The following CEP70 variants were observed in gnomAD, a reference collection of about 807,000 sequenced individuals.
CEP70 encodes the protein centrosomal protein of 70 kDa.
Under a neutral mutation model 90.9 loss-of-function variants are expected in CEP70, and 70 were observed. The observed-to-expected ratio is 0.77, with a 90% CI of 0.64 to 0.94. CEP70 has a LOEUF of 0.94. CEP70 is among the 40% of genes least tolerant of loss of function. The pLI is 0.00. For synonymous variants in CEP70, 220 were observed against 228.3 expected (o/e 0.96, Z 0.33); for missense variants, 648 against 669.0 (o/e 0.97, Z 0.35).
intron 11 of CEP70, 131 bp from the exon 12 acceptor site, chr3:138,508,675 A>G (rs2035222566): frequency 1.5e-6 from 1 of 659,734 alleles, no homozygotes; most frequent in South Asian, 1.7e-5. Flanking sequence ...GTGTGTGTGC[A>G]CACATGTATG....
chr3:138,578,597 T>C (rs2041680550), intron 2 of CEP70, among the ~76,000 whole-genome samples: 1 of 152,008 alleles, frequency 6.6e-6, no homozygotes, highest in South Asian at 2.1e-4. Context: ...GAAGGGAAGA[T>C]CCACACCAAA....
At chr3:138,578,842 C>T (rs1056072435) in intron 2 of CEP70, among the ~76,000 whole-genome samples, 3 of 152,192 alleles carry the variant, frequency 2.0e-5, no homozygotes. Context: ...GAAGCCTCCA[C>T]CGATTGTCCT....
chr3:138,505,219 C>T (rs1272264011), intron 13 of CEP70, 76 bp downstream of exon 13: 1 of 1,150,456 alleles, frequency 8.7e-7, no homozygotes, highest in East Asian at 2.7e-5. Context: ...ATTTTTAGCC[C>T]TGAATTAAGT....
intron 2 of CEP70, among the ~76,000 whole-genome samples, chr3:138,584,494 A>G (rs985297327): frequency 2.6e-5 from 4 of 151,264 alleles, no homozygotes; most frequent in East Asian, 1.9e-4. Flanking sequence ...GAGAGAGAGA[A>G]AAACCTACAG....
In CEP70 at chr3:138,494,873, TGAAGAA is replaced by T; in HGVS notation, c.*136_*141del. 1.8e-6 allele frequency: 1 copy of T among 563,454 alleles called. No homozygotes were observed. The highest frequency in any genetic ancestry group is 4.8e-4 in the Middle Eastern group (1 of 2,074). The allele number at this position is 563,454 out of a possible 1,614,324, so 34.9% of individuals were successfully genotyped here. A position where few individuals can be genotyped will look rare whatever the true frequency, so the allele number is the denominator to read the frequency against. On this transcript the variant is annotated 3_prime_UTR_variant, in exon 18 of 18. Transcript: ENST00000264982. ...TCAAAGTTAATAAAAATTATACAGATGAAGAATGACCTAATACTAAGAAGGGGATGA... is the reference window on the plus strand; with the variant it reads ...TCAAAGTTAATAAAAATTATACAGATTGACCTAATACTAAGAAGGGGATGA...
At chr3:138,548,416 C>A (rs1002546651) in intron 6 of CEP70, among the ~76,000 whole-genome samples, 1 of 152,126 alleles carries the variant, frequency 6.6e-6, no homozygotes, top group Non-Finnish European at 1.5e-5. Flanking sequence ...TTTGATTTTA[C>A]GTAAAATGCA....
intron 6 of CEP70, among the ~76,000 whole-genome samples, chr3:138,544,573 T>C (rs2039042929): frequency 6.6e-6 from 1 of 152,054 alleles, no homozygotes; most frequent in South Asian, 2.1e-4. Flanking sequence ...ACACATATTA[T>C]ATATATAAAC....
At chr3:138,511,757 G>A (rs1215703133) in intron 11 of CEP70, among the ~76,000 whole-genome samples, 1 of 152,142 alleles carries the variant, frequency 6.6e-6, no homozygotes, top group East Asian at 1.9e-4. Context: ...GGAATTCTAA[G>A]CACTTTACAT....
rs2042349542 is a variant in CEP70, at chr3:138,590,843, G to A, written c.-6+1011C>T. ...AATAATAAAAAAAAAACAGGGAAGT[G>A]ATTACTACAAAACTATAAAACCCAG... On this transcript the variant is annotated intron_variant, in intron 2 of 17. Transcript: ENST00000264982. 2.0e-5 allele frequency among the ~76,000 whole-genome samples: 3 copies of A among 151,828 alleles called. No homozygotes were observed. The South Asian group carries it at 6.3e-4, about 32-fold the overall frequency.
At chr3:138,568,211 G>A (rs990138789) in intron 6 of CEP70, among the ~76,000 whole-genome samples, 1 of 152,074 alleles carries the variant, frequency 6.6e-6, no homozygotes, top group Non-Finnish European at 1.5e-5. Context: ...TTGGGACCTG[G>A]AACAAAGAGC....
At chr3:138,495,588 A>G (rs988511030) in intron 17 of CEP70, among the ~76,000 whole-genome samples, 2 of 152,212 alleles carry the variant, frequency 1.3e-5, no homozygotes, top group African/African-American at 4.8e-5. Context: ...GCAGTGGCTC[A>G]TGCCTATAAT....
chr3:138,593,336 C>A (rs982705118), intron 1 of CEP70, among the ~76,000 whole-genome samples: 2 of 152,158 alleles, frequency 1.3e-5, no homozygotes, highest in African/African-American at 4.8e-5. Flanking sequence ...GATTCTGCTG[C>A]CTCACCCGCC....
At chr3:138,546,517 G>A (rs924709578) in intron 6 of CEP70, among the ~76,000 whole-genome samples, 6 of 152,152 alleles carry the variant, frequency 3.9e-5, no homozygotes, top group African/African-American at 1.4e-4. Flanking sequence ...GGGAGGCCAA[G>A]GTGGGCAGAT....
chr3:138,535,766 T>C (rs796756852), intron 7 of CEP70, among the ~76,000 whole-genome samples: 3 of 152,228 alleles, frequency 2.0e-5, no homozygotes, highest in African/African-American at 7.2e-5. Flanking sequence ...AACTGTTTTT[T>C]GTTTTTTCAT....
Position 138,532,522 on chromosome 3 carries a change from A to G in CEP70, c.684T>C (p.His228=), listed in dbSNP as rs1264107442. 3 of 1,510,296 alleles carry G rather than the reference A, an allele frequency of 2.0e-6. No individual in the cohort carries two copies. Among genetic ancestry groups the G allele is most frequent in the African/African-American group, 2.9e-5 (2 of 69,630 alleles). The allele number at this position is 1,510,296 out of a possible 1,614,324, so 93.6% of individuals were successfully genotyped here. A position where few individuals can be genotyped will look rare whatever the true frequency, so the allele number is the denominator to read the frequency against. ...TACAGGATTACTCGTACCTTTGTGTATGAATTTTTCTAATTTTAGATTCAT... is the reference window on the plus strand; with the variant it reads ...TACAGGATTACTCGTACCTTTGTGTGTGAATTTTTCTAATTTTAGATTCAT... ...DYYESKIRKI[H]TQRQYKEDES... is the part of the protein sequence containing the mutation. The change falls in exon 8 of 18, where the codon CAT becomes CAC. Residue 228 remains histidine, a synonymous_variant. Transcript: ENST00000264982.
At position 138,575,557 on chromosome 3, in the gene CEP70, C is replaced by T. The variant is rs149084432; in HGVS notation, c.-5-2625G>A. ...ATATTATCCAGGAGAACTTCCCCAA[C>T]CTAGCAAGACAGGCCAACATTCAAA... On this transcript the variant is annotated intron_variant, in intron 2 of 17. Coordinates refer to ENST00000264982, the MANE Select transcript of CEP70 (RefSeq NM_024491.4). Among the ~76,000 whole-genome samples, 23 of 152,268 alleles carry T rather than the reference C, an allele frequency of 1.5e-4. 1 individual carries two copies. Among genetic ancestry groups the T allele is most frequent in the Non-Finnish European group, 2.4e-4 (16 of 68,028 alleles).
intron 17 of CEP70, 22 bp from the exon 18 acceptor site, chr3:138,495,098 A>G (rs755539427): frequency 1.4e-6 from 2 of 1,438,160 alleles, no homozygotes; most frequent in Non-Finnish European, 1.9e-6. Context: ...AAACAGTAAT[A>G]ATAAAAGAGA....
intron 11 of CEP70, among the ~76,000 whole-genome samples, chr3:138,514,248 G>A (rs1013725756): frequency 6.6e-6 from 1 of 152,120 alleles, no homozygotes. Flanking sequence ...CTGGCCCCAA[G>A]TTGTAACCTC....
intron 12 of CEP70, 102 bp downstream of exon 12, chr3:138,508,337 G>A: frequency 5.3e-6 from 4 of 753,824 alleles, no homozygotes; most frequent in South Asian, 2.9e-5. Context: ...TAAATATGAG[G>A]TGCAAGTATT....
Sources: allele counts gnomAD v4.1 joint callset (sites outside exome capture counted in the v4.1 genomes callset), GRCh38; gene constraint gnomAD v4.1.1; transcripts MANE v1.5; gene names NCBI Gene and HGNC (gene_info 2026-07-23, HGNC 2026-07-21).